Variants in ZNF385D observed in about 807,000 individuals in gnomAD.
The protein encoded by ZNF385D is zinc finger protein 385D, also known as zinc finger protein 659.
In ZNF385D, 15 loss-of-function variants were observed where a neutral mutation model predicts 35.8. The ratio of observed to expected loss-of-function variants is 0.42; its 90% CI spans 0.28 to 0.64. The LOEUF (loss-of-function observed/expected upper bound fraction) is 0.64, where lower values mean the gene tolerates loss of function less well. Among genes scored for constraint, ZNF385D ranks in the 30% least tolerant of loss-of-function variants. The pLI is 0.23. For synonymous variants in ZNF385D, 212 were observed against 186.8 expected, an observed-to-expected ratio of 1.13 and a Z score of -1.10; for missense variants, 474 against 494.6, an observed-to-expected ratio of 0.96 and a Z score of 0.39.
chr3:22,253,306 T>G (rs767829922), intron 2 of ZNF385D, among the ~76,000 whole-genome samples: 12 of 151,542 alleles, frequency 7.9e-5, no homozygotes, highest in Non-Finnish European at 1.8e-4. Flanking sequence ...AACTAAGAAA[T>G]AGACTGTAAT....
chr3:21,439,386 A>G (rs1427087105), intron 4 of ZNF385D, among the ~76,000 whole-genome samples: 3 of 151,954 alleles, frequency 2.0e-5, no homozygotes. Flanking sequence ...GCAGTGGGCT[A>G]AAACCACTAA....
chr3:22,244,454 G>C (rs963555373), intron 2 of ZNF385D, among the ~76,000 whole-genome samples: 5 of 136,204 alleles, frequency 3.7e-5, no homozygotes, highest in African/African-American at 1.4e-4. Context: ...ATCAATACAA[G>C]AAATACAATT....
chr3:22,211,286 T>C (rs1336079027), intron 2 of ZNF385D, among the ~76,000 whole-genome samples: 2 of 151,918 alleles, frequency 1.3e-5, no homozygotes, highest in African/African-American at 2.4e-5. Flanking sequence ...GTATTAACAA[T>C]TACAGACTGG....
intron 2 of ZNF385D, among the ~76,000 whole-genome samples, chr3:21,652,282 C>CT (rs1559490871): frequency 6.6e-6 from 1 of 152,002 alleles, no homozygotes; most frequent in Non-Finnish European, 1.5e-5. Context: ...TACTATAAGG[C>CT]TTTTGAACAA....
At chr3:22,139,419 G>A (rs1472628291) in intron 3 of ZNF385D, among the ~76,000 whole-genome samples, 3 of 152,042 alleles carry the variant, frequency 2.0e-5, no homozygotes, top group African/African-American at 4.8e-5. Flanking sequence ...TATACACCAT[G>A]GAATACTATG....
At chr3:22,346,909 T>C (rs1695682950) in intron 2 of ZNF385D, among the ~76,000 whole-genome samples, 1 of 152,204 alleles carries the variant, frequency 6.6e-6, no homozygotes, top group South Asian at 2.1e-4. Flanking sequence ...TTTCATTCTG[T>C]TCCGGTTTAT....
chr3:21,826,254 G>C (rs981531943), intron 3 of ZNF385D, among the ~76,000 whole-genome samples: 18 of 152,198 alleles, frequency 1.2e-4, no homozygotes, highest in Admixed American at 3.3e-4. Context: ...ATATGGGAGA[G>C]GGGAATGGCT....
At chr3:22,339,631 G>C (rs1045570124) in intron 2 of ZNF385D, among the ~76,000 whole-genome samples, 1 of 152,146 alleles carries the variant, frequency 6.6e-6, no homozygotes, top group Non-Finnish European at 1.5e-5. Context: ...TCCTTGAAAA[G>C]AAAGGCGATT....
At chr3:22,091,662 A>G (rs1168787434) in intron 3 of ZNF385D, among the ~76,000 whole-genome samples, 1 of 152,146 alleles carries the variant, frequency 6.6e-6, no homozygotes, top group Non-Finnish European at 1.5e-5. Flanking sequence ...CTATTTCCTA[A>G]GTCAGTCCAC....
intron 3 of ZNF385D, among the ~76,000 whole-genome samples, chr3:21,890,606 G>C (rs528786251): frequency 1.3e-5 from 2 of 152,100 alleles, no homozygotes; most frequent in African/African-American, 2.4e-5. Flanking sequence ...GTGACAGAGT[G>C]AGACTCCGTC....
intron 3 of ZNF385D, among the ~76,000 whole-genome samples, chr3:21,913,974 G>T (rs1215333293): frequency 6.6e-6 from 1 of 152,066 alleles, no homozygotes; most frequent in Non-Finnish European, 1.5e-5. Context: ...TTCATGCAGG[G>T]TGCACAGATT....
At chr3:21,877,117 T>C (rs1350423280) in intron 3 of ZNF385D, among the ~76,000 whole-genome samples, 1 of 152,060 alleles carries the variant, frequency 6.6e-6, no homozygotes, top group Non-Finnish European at 1.5e-5. Flanking sequence ...AAGTGACCTG[T>C]ACAGGAAAAA....
rs562350510 is a variant in ZNF385D, at chr3:21,931,992, C to T, written c.325+236825G>A. Among the ~76,000 whole-genome samples, 3 of 151,110 alleles carry T rather than the reference C, an allele frequency of 2.0e-5. No homozygotes were observed. In the East Asian group the frequency reaches 5.8e-4, roughly 29 times the overall value. On this transcript the variant is annotated intron_variant, in intron 3 of 5. Transcript: ENST00000494108. ...ACCATCCTGGCTAACACGGTGAAAC[C>T]CCGTCTCTACTAAAAATACAAAAAA...
At chr3:22,083,582 T>G (rs1299496849) in intron 3 of ZNF385D, among the ~76,000 whole-genome samples, 1 of 152,120 alleles carries the variant, frequency 6.6e-6, no homozygotes, top group African/African-American at 2.4e-5. Flanking sequence ...TGGGACTATG[T>G]GAAAAGACCA....
At chr3:22,107,689 T>C (rs1032470485) in intron 3 of ZNF385D, among the ~76,000 whole-genome samples, 20 of 152,264 alleles carry the variant, frequency 1.3e-4, no homozygotes, top group African/African-American at 4.6e-4. Flanking sequence ...TTGCCAATTG[T>C]TGATATATTT....
Position 22,193,674 on chromosome 3 carries a change from T to C in ZNF385D, c.107-24639A>G, listed in dbSNP as rs144851020. ...TGTTCCATGAAACTTTAGGAATGAG[T>C]TCAATATTCTATTATATATTGGGGC... On this transcript the variant is annotated intron_variant, in intron 2 of 5. Coordinates refer to the ZNF385D transcript ENST00000494108. Among the ~76,000 whole-genome samples, 272 of 152,072 alleles carry C rather than the reference T, an allele frequency of 1.8e-3. 2 individuals are homozygous for C. The highest frequency in any genetic ancestry group is 6.2e-3 in the African/African-American group (256 of 41,544).
intron 2 of ZNF385D, among the ~76,000 whole-genome samples, chr3:21,635,915 T>C (rs1559478200): frequency 1.3e-5 from 2 of 152,134 alleles, no homozygotes; most frequent in Non-Finnish European, 2.9e-5. Context: ...CTGAGTAGTA[T>C]TCCATTCTAC....
intron 3 of ZNF385D, among the ~76,000 whole-genome samples, chr3:22,002,286 A>C (rs1401613147): frequency 6.6e-6 from 1 of 152,142 alleles, no homozygotes; most frequent in Non-Finnish European, 1.5e-5. Context: ...CAGAAATACG[A>C]AGAAACATTA....
rs564648658 is a variant in ZNF385D, at chr3:22,262,305, G to A, written c.107-93270C>T. 1.4e-4 allele frequency among the ~76,000 whole-genome samples: 21 copies of A among 151,992 alleles called. No homozygotes were observed. The South Asian group carries it at 4.4e-3, about 32-fold the overall frequency. On this transcript the variant is annotated intron_variant, in intron 2 of 5. Transcript: ENST00000494108. Reference sequence around the variant, plus strand: ...AAGTCATGAGAACATTTAGGAAAATGTTCCAAGTGACACATGGAGTTAACA... The same window carrying A: ...AAGTCATGAGAACATTTAGGAAAATATTCCAAGTGACACATGGAGTTAACA...
Sources: allele counts gnomAD v4.1 joint callset (sites outside exome capture counted in the v4.1 genomes callset), GRCh38; gene constraint gnomAD v4.1.1; transcripts MANE v1.5; gene names NCBI Gene and HGNC (gene_info 2026-07-23, HGNC 2026-07-21).